KSR1: variants seen among roughly 807,000 people sequenced by gnomAD.
The protein encoded by KSR1 is kinase suppressor of ras.
KSR1 carries 35 observed loss-of-function variants against 92.9 expected under a neutral mutation model. The observed-to-expected ratio is 0.38, with a 90% confidence interval of 0.29 to 0.50. The LOEUF (loss-of-function observed/expected upper bound fraction) is 0.50, where lower values mean the gene tolerates loss of function less well. KSR1 is among the 20% of genes least tolerant of loss of function. The pLI is 0.94. For missense variants in KSR1, 972 were observed against 1,158.5 expected (o/e 0.84, Z 2.34); for synonymous variants, 467 against 472.6 (o/e 0.99, Z 0.15).
intron 18 of KSR1, 122 bp downstream of exon 18, chr17:27,611,751 G>A (rs1053014767): frequency 1.6e-5 from 18 of 1,121,338 alleles, no homozygotes; most frequent in Non-Finnish European, 2.1e-5. Context: ...CCACCTGCAC[G>A]TGTCTAGCTA....
chr17:27,503,909 A>G (rs771746777), intron 1 of KSR1, among the ~76,000 whole-genome samples: 3 of 152,126 alleles, frequency 2.0e-5, no homozygotes, highest in Non-Finnish European at 2.9e-5. Context: ...TGTTGTTTAT[A>G]CTACTGGGAT....
intron 1 of KSR1, among the ~76,000 whole-genome samples, chr17:27,507,142 AG>A (rs2069415699): frequency 6.6e-6 from 1 of 152,218 alleles, no homozygotes; most frequent in African/African-American, 2.4e-5. Context: ...AGAATGTAAA[AG>A]ATCTCTTTAG....
intron 7 of KSR1, among the ~76,000 whole-genome samples, chr17:27,591,473 T>C (rs2073164641): frequency 6.6e-6 from 1 of 152,178 alleles, no homozygotes; most frequent in Non-Finnish European, 1.5e-5. Context: ...TGCATTGCTG[T>C]GTGATCTGGG....
At chr17:27,476,831 G>C (rs1736385963) in intron 1 of KSR1, among the ~76,000 whole-genome samples, 1 of 152,166 alleles carries the variant, frequency 6.6e-6, no homozygotes, top group African/African-American at 2.4e-5. Context: ...GACAGGAAAG[G>C]GGTCCCGATC....
chr17:27,499,340 G>T (rs896041907), intron 1 of KSR1, among the ~76,000 whole-genome samples: 5 of 152,178 alleles, frequency 3.3e-5, no homozygotes, highest in African/African-American at 1.2e-4. Context: ...TTGGGAACCT[G>T]GTTATTACCA....
chr17:27,531,377 G>A (rs1020081760), intron 1 of KSR1, among the ~76,000 whole-genome samples: 1 of 152,248 alleles, frequency 6.6e-6, no homozygotes, highest in Non-Finnish European at 1.5e-5. Flanking sequence ...GGGAGGCCAC[G>A]CCTTTGAAGG....
chr17:27,588,639 A>G (rs2073059781), intron 6 of KSR1, 104 bp downstream of exon 6: 2 of 1,053,442 alleles, frequency 1.9e-6, no homozygotes, highest in Non-Finnish European at 2.7e-6. Flanking sequence ...TTTGCCTCTG[A>G]CGGGCCTGTC....
chr17:27,600,640 G>A (rs1196402380), intron 10 of KSR1, among the ~76,000 whole-genome samples: 1 of 152,148 alleles, frequency 6.6e-6, no homozygotes, highest in African/African-American at 2.4e-5. Context: ...CGTGAGGAAT[G>A]CATGGTGCTG....
intron 1 of KSR1, among the ~76,000 whole-genome samples, chr17:27,545,132 G>C (rs939921529): frequency 6.6e-6 from 1 of 152,210 alleles, no homozygotes; most frequent in Non-Finnish European, 1.5e-5. Context: ...TGGGTGCAAA[G>C]AAGAATCACT....
intron 18 of KSR1, among the ~76,000 whole-genome samples, chr17:27,612,113 G>A (rs901543002): frequency 6.6e-6 from 1 of 152,160 alleles, no homozygotes; most frequent in African/African-American, 2.4e-5. Flanking sequence ...TATAGTGGCC[G>A]ACTTCTCATT....
At chr17:27,578,293 T>A (rs2151157343) in intron 3 of KSR1, 1 of 156,002 alleles carries the variant, frequency 6.4e-6, no homozygotes, top group South Asian at 1.9e-4. Flanking sequence ...CTGAGGCCCC[T>A]GTCTTATCTC....
rs546697299 is a variant in KSR1, at chr17:27,609,182, G to C, written c.2092-14G>C. 19 of 1,610,992 alleles carry C rather than the reference G, an allele frequency of 1.2e-5. No individual in the cohort carries two copies. The East Asian group carries it at 4.2e-4, about 36-fold the overall frequency. Reference sequence around the variant, plus strand: ...ATCGTTGCACATCTTCACTCCTCCTGATGTGTCCTCCAGGGCATGGGATAT... The same window carrying C: ...ATCGTTGCACATCTTCACTCCTCCTCATGTGTCCTCCAGGGCATGGGATAT... On this transcript the variant is annotated splice_polypyrimidine_tract_variant and intron_variant, in intron 15 of 20. Transcript: ENST00000644974.
At chr17:27,460,382 A>T (rs2019376298) in intron 1 of KSR1, among the ~76,000 whole-genome samples, 1 of 152,166 alleles carries the variant, frequency 6.6e-6, no homozygotes. Context: ...CTTTCCAGAG[A>T]CAGGCTCTGC....
intron 1 of KSR1, among the ~76,000 whole-genome samples, chr17:27,470,161 T>C (rs1483102754): frequency 2.0e-5 from 3 of 151,600 alleles, no homozygotes; most frequent in Admixed American, 6.6e-5. Flanking sequence ...ATTCAAGTGA[T>C]CCTTCTGTCT....
At chr17:27,598,889 C>T (rs928283805) in intron 10 of KSR1, among the ~76,000 whole-genome samples, 6 of 152,162 alleles carry the variant, frequency 3.9e-5, no homozygotes, top group East Asian at 1.9e-4. Context: ...CCGGCTGGCC[C>T]GGTGGTTCAG....
At chr17:27,564,618 T>C (rs1287972278) in intron 2 of KSR1, among the ~76,000 whole-genome samples, 2 of 152,134 alleles carry the variant, frequency 1.3e-5, no homozygotes, top group East Asian at 1.9e-4. Flanking sequence ...TGCTTGTCCA[T>C]GAAGGGCTGT....
intron 1 of KSR1, among the ~76,000 whole-genome samples, chr17:27,523,616 C>T (rs2070131398): frequency 6.9e-6 from 1 of 144,890 alleles, no homozygotes. Flanking sequence ...ATAACAGTAA[C>T]TCAAGCAAGT....
intron 1 of KSR1, among the ~76,000 whole-genome samples, chr17:27,538,325 T>G (rs948694548): frequency 6.6e-6 from 1 of 152,232 alleles, no homozygotes; most frequent in African/African-American, 2.4e-5. Context: ...TGTCTCTGGT[T>G]TTCCAGGCAG....
In KSR1 at chr17:27,554,308, T is replaced by C. The variant is rs878926080; in HGVS notation, c.372+3600T>C. 3.3e-5 allele frequency among the ~76,000 whole-genome samples: 5 copies of C among 152,302 alleles called. No individual in the cohort carries two copies. The South Asian group carries it at 8.3e-4, about 25-fold the overall frequency. On this transcript the variant is annotated intron_variant, in intron 2 of 20. Coordinates refer to ENST00000644974, the MANE Select transcript of KSR1 (RefSeq NM_001394583.1). ...CATTCCAACAATGGAACGCTAGGCA[T>C]ACGTGGGTTGTCATCTAAAACAGGG...
Sources: allele counts gnomAD v4.1 joint callset (sites outside exome capture counted in the v4.1 genomes callset), GRCh38; gene constraint gnomAD v4.1.1; transcripts MANE v1.5; gene names NCBI Gene and HGNC (gene_info 2026-07-23, HGNC 2026-07-21).